Variants in MAGI2 observed in about 807,000 individuals in gnomAD.
The protein encoded by MAGI2 is membrane-associated guanylate kinase, WW and PDZ domain-containing protein 2.
A neutral mutation model predicts 133.3 loss-of-function variants in MAGI2; 35 were observed. The ratio of observed to expected loss-of-function variants is 0.26; its 90% confidence interval spans 0.20 to 0.35. The LOEUF (loss-of-function observed/expected upper bound fraction) is 0.35. MAGI2 is among the 10% of genes least tolerant of loss of function. The pLI, the probability that MAGI2 is intolerant of heterozygous loss-of-function variation, is 1.00. For missense variants in MAGI2, 1,636 were observed against 1,863.4 expected (o/e 0.88, Z 2.25); for synonymous variants, 729 against 710.6 (o/e 1.03, Z -0.41).
At chr7:79,438,129 C>A (rs1462974346) in intron 1 of MAGI2, among the ~76,000 whole-genome samples, 1 of 152,102 alleles carries the variant, frequency 6.6e-6, no homozygotes, top group East Asian at 1.9e-4. Context: ...CATCTGAACT[C>A]TCTACACTGA....
At chr7:78,460,192 T>C (rs1222988528) in intron 6 of MAGI2, among the ~76,000 whole-genome samples, 1 of 152,214 alleles carries the variant, frequency 6.6e-6, no homozygotes, top group Non-Finnish European at 1.5e-5. Flanking sequence ...TATAACCATC[T>C]GAAATTTGGT....
intron 3 of MAGI2, among the ~76,000 whole-genome samples, chr7:78,565,394 T>G (rs62468645): frequency 0.11 from 16,899 of 151,590 alleles, 1,193 homozygotes; most frequent in Non-Finnish European, 0.16. Context: ...GAGCCCAAGA[T>G]TTCGATGTTA....
intron 1 of MAGI2, among the ~76,000 whole-genome samples, chr7:79,450,866 G>A (rs545359222): frequency 5.7e-4 from 87 of 152,228 alleles, no homozygotes; most frequent in African/African-American, 2.0e-3. Flanking sequence ...GGAAAACTCT[G>A]TTAGAAAGCT....
chr7:79,085,420 G>T (rs1382115624), intron 1 of MAGI2, among the ~76,000 whole-genome samples: 1 of 151,432 alleles, frequency 6.6e-6, no homozygotes, highest in Non-Finnish European at 1.5e-5. Context: ...GTTTCCTTTG[G>T]TTCTTTGGAC....
At chr7:78,498,335 C>G (rs1012001850) in intron 5 of MAGI2, among the ~76,000 whole-genome samples, 2 of 152,148 alleles carry the variant, frequency 1.3e-5, no homozygotes, top group African/African-American at 4.8e-5. Context: ...CAACCATGCT[C>G]CCTCCCCAAT....
chr7:78,380,111 T>C (rs759545380), intron 6 of MAGI2, among the ~76,000 whole-genome samples: 10 of 150,386 alleles, frequency 6.6e-5, no homozygotes, highest in Non-Finnish European at 1.2e-4. Flanking sequence ...TAAAAAGCTA[T>C]AAAAAGAACA....
At chr7:78,226,824 T>C (rs769726436) in intron 10 of MAGI2, among the ~76,000 whole-genome samples, 8 of 152,222 alleles carry the variant, frequency 5.3e-5, no homozygotes, top group Non-Finnish European at 8.8e-5. Flanking sequence ...TACAGTCAGA[T>C]TGACACTTTT....
At chr7:78,411,997 T>C (rs1264567689) in intron 6 of MAGI2, among the ~76,000 whole-genome samples, 1 of 152,062 alleles carries the variant, frequency 6.6e-6, no homozygotes, top group African/African-American at 2.4e-5. Context: ...ACTGTTTTCT[T>C]TATTGTAATA....
At chr7:78,867,519 C>T (rs1222387794) in intron 2 of MAGI2, among the ~76,000 whole-genome samples, 1 of 142,058 alleles carries the variant, frequency 7.0e-6, no homozygotes, top group Admixed American at 7.6e-5. Flanking sequence ...GGAAGGGGAA[C>T]ATCACACTCT....
intron 2 of MAGI2, among the ~76,000 whole-genome samples, chr7:78,892,409 C>G (rs998816104): frequency 1.3e-5 from 2 of 152,116 alleles, no homozygotes; most frequent in African/African-American, 4.8e-5. Context: ...CAAAAAAGAG[C>G]CCACATCACC....
At chr7:78,730,971 C>T (rs926870133) in intron 2 of MAGI2, among the ~76,000 whole-genome samples, 2 of 151,938 alleles carry the variant, frequency 1.3e-5, no homozygotes, top group Non-Finnish European at 2.9e-5. Flanking sequence ...CAGAAAATAG[C>T]TTTCTGTTTA....
chr7:78,365,516 GCCAGGGT>G, intron 7 of MAGI2, among the ~76,000 whole-genome samples: 1 of 152,226 alleles, frequency 6.6e-6, no homozygotes, highest in South Asian at 2.1e-4. Flanking sequence ...AACTTCTTTA[GCCAGGGT>G]TTCCTCATCT....
At chr7:78,960,198 G>T (rs180679987) in intron 2 of MAGI2, among the ~76,000 whole-genome samples, 2 of 152,102 alleles carry the variant, frequency 1.3e-5, no homozygotes, top group Non-Finnish European at 2.9e-5. Flanking sequence ...GCAGGAAAGG[G>T]ATGTGTGGGG....
intron 1 of MAGI2, among the ~76,000 whole-genome samples, chr7:79,225,302 C>T (rs1039660418): frequency 6.6e-6 from 1 of 152,148 alleles, no homozygotes; most frequent in African/African-American, 2.4e-5. Flanking sequence ...AATGTAAGAA[C>T]CCCACAAATG....
intron 2 of MAGI2, among the ~76,000 whole-genome samples, chr7:78,984,880 C>T (rs915246303): frequency 3.2e-4 from 49 of 152,110 alleles, no homozygotes; most frequent in African/African-American, 1.2e-3. Flanking sequence ...GCTTTACCTC[C>T]AGTACCTAGA....
chr7:78,546,596 C>T (rs951769711), intron 3 of MAGI2, among the ~76,000 whole-genome samples: 1 of 151,996 alleles, frequency 6.6e-6, no homozygotes, highest in African/African-American at 2.4e-5. Flanking sequence ...TAGTATATTG[C>T]CAACAGCTGT....
In MAGI2 at chr7:78,390,638, G is replaced by A. The variant is rs570204679; in HGVS notation, c.1046-21425C>T. Among the ~76,000 whole-genome samples the A allele has an allele frequency of 1.1e-4, 17 of 151,848 alleles. 1 individual carries two copies. The South Asian group carries it at 3.1e-3, about 28-fold the overall frequency. ...CTTTACCTGACAATTCTTACTGGTG[G>A]GGGTGGGGGGTGGAGGGGAAGCTAC... On this transcript the variant is annotated intron_variant, in intron 6 of 21. Transcript: ENST00000354212.
chr7:78,564,773 C>G (rs1800757818), intron 3 of MAGI2, among the ~76,000 whole-genome samples: 2 of 117,538 alleles, frequency 1.7e-5, no homozygotes, highest in Non-Finnish European at 3.5e-5. Context: ...CATCTCATCT[C>G]TTTGACATTC....
At chr7:79,020,160 T>C (rs1809154935) in intron 1 of MAGI2, among the ~76,000 whole-genome samples, 1 of 152,188 alleles carries the variant, frequency 6.6e-6, no homozygotes, top group Non-Finnish European at 1.5e-5. Flanking sequence ...TGACTCTTGC[T>C]ATGCTCCAGC....
Sources: gnomAD v4.1 joint callset for allele counts (sites outside exome capture counted in the v4.1 genomes callset) on GRCh38, gnomAD v4.1.1 for gene constraint, MANE v1.5 for transcripts, NCBI Gene and HGNC (gene_info 2026-07-23, HGNC 2026-07-21) for gene names.